Variants in IRS2 observed in about 807,000 individuals in gnomAD.
The protein encoded by IRS2 is insulin receptor substrate 2.
In IRS2, 28 loss-of-function variants were observed where a neutral mutation model predicts 70.9. That is an observed-to-expected ratio of 0.39 (90% CI 0.29 to 0.54). The LOEUF is 0.54. IRS2 is among the 20% of genes least tolerant of loss of function. IRS2 has a pLI of 0.59. For synonymous variants in IRS2, 1,217 were observed against 981.9 expected, an observed-to-expected ratio of 1.24 and a Z score of -4.48; for missense variants, 2,081 against 2,024.1, an observed-to-expected ratio of 1.03 and a Z score of -0.54.
chr13:109,783,588 C>G lies in IRS2; in HGVS notation c.2466G>C (p.Gln822His), dbSNP rs767832920. Residue 822 changes from glutamine to histidine, a missense_variant, in exon 1 of 2, where the codon CAG becomes CAC. By Grantham distance (24) the Gln-to-His change is conservative. Coordinates refer to ENST00000375856, the MANE Select transcript of IRS2 (RefSeq NM_003749.3). Reference protein sequence around the residue: ...APYTCGGDSDQYVLMSSPVGR... With the variant: ...APYTCGGDSDHYVLMSSPVGR... ...CCACGGGGGAGCTCATGAGCACGTA[C>G]TGGTCGCTGTCCCCGCCACAGGTGT... The G allele has an allele frequency of 2.3e-5, 35 of 1,546,902 alleles. No individual in the cohort carries two copies. The highest frequency in any genetic ancestry group is 2.5e-5 in the Non-Finnish European group (29 of 1,144,512).
intron 1 of IRS2, among the ~76,000 whole-genome samples, chr13:109,768,439 G>A (rs1161631049): frequency 9.2e-5 from 14 of 152,284 alleles, no homozygotes; most frequent in Non-Finnish European, 4.4e-5. Flanking sequence ...AAGCTCTTAC[G>A]CCCTCAGCAA....
At position 109,782,285 on chromosome 13, in the gene IRS2, C is replaced by G. The variant is rs940747787; in HGVS notation, c.3769G>C (p.Asp1257His). The G allele has an allele frequency of 6.2e-6, 10 of 1,610,722 alleles. No individual in the cohort carries two copies. The highest frequency in any genetic ancestry group is 5.0e-5 in the Admixed American group (3 of 59,892). ...GGCAGCCCGGGCTCCTCCCTCACGTCGATGGCGATGTAGTTGAGACCATTC... is the reference window on the plus strand; with the variant it reads ...GGCAGCCCGGGCTCCTCCCTCACGTGGATGGCGATGTAGTTGAGACCATTC... ...FQNGLNYIAI[D>H]VREEPGLPPQ... The change falls in exon 1 of 2, where the codon GAC becomes CAC. Residue 1257 changes from aspartate (D) to histidine (H), a missense_variant. Coordinates refer to ENST00000375856, the MANE Select transcript of IRS2 (RefSeq NM_003749.3).
At chr13:109,768,536 AT>A (rs922089525) in intron 1 of IRS2, among the ~76,000 whole-genome samples, 8 of 152,304 alleles carry the variant, frequency 5.3e-5, no homozygotes, top group African/African-American at 1.7e-4. Flanking sequence ...TTTTCTGCAC[AT>A]TTTTTCTAAC....
Position 109,783,826 on chromosome 13 carries a change from A to G in IRS2, c.2228T>C (p.Met743Thr). ...AESSPEDSGY[M>T]RMWCGSKLSM... is the part of the protein sequence containing the mutation. ...CAGCTTGGAACCGCACCACATGCGC[A>G]TGTACCCACTGTCCTCGGGGGAGCT... The change falls in exon 1 of 2, where the codon ATG becomes ACG. Residue 743 changes from methionine (M) to threonine (T), a missense_variant. Coordinates refer to ENST00000375856, the MANE Select transcript of IRS2 (RefSeq NM_003749.3). 2.5e-6 allele frequency: 4 copies of G among 1,588,672 alleles called. No homozygotes were observed. Among genetic ancestry groups the G allele is most frequent in the Non-Finnish European group, 3.4e-6 (4 of 1,168,066 alleles).
intron 1 of IRS2, among the ~76,000 whole-genome samples, chr13:109,773,208 G>T (rs780169270): frequency 6.6e-6 from 1 of 151,628 alleles, no homozygotes. Context: ...AAAAAACAAG[G>T]GCTGTTAAAA....
At chr13:109,761,457 T>G (rs1011573101) in intron 1 of IRS2, among the ~76,000 whole-genome samples, 1 of 152,182 alleles carries the variant, frequency 6.6e-6, no homozygotes, top group Non-Finnish European at 1.5e-5. Flanking sequence ...AGTGCCCAGT[T>G]TCAGCCTTTT....
chr13:109,785,188 T>G lies in IRS2; in HGVS notation c.866A>C (p.Glu289Ala). The G allele has an allele frequency of 6.2e-7, 1 of 1,602,882 alleles. No individual in the cohort carries two copies. Among genetic ancestry groups the G allele is most frequent in the Non-Finnish European group, 8.5e-7 (1 of 1,175,476 alleles). The change falls in exon 1 of 2, where the codon GAG becomes GCG. Residue 289 changes from glutamate (E) to alanine (A), a missense_variant. By Grantham distance (107) the Glu-to-Ala change is moderately radical (BLOSUM62 -1). Coordinates refer to ENST00000375856, the MANE Select transcript of IRS2 (RefSeq NM_003749.3). This position sits in a 1 kb window ranked among gnomAD's most constrained non-coding sequence, Gnocchi z 9.3. The part of the protein sequence containing the change: ...VAQNIHETIL[E>A]AMKALKELFE... ...GAGCTCCTTGAGCGCCTTCATGGCCTCCAGGATGGTCTCGTGGATGTTCTG... is the reference window on the plus strand; with the variant it reads ...GAGCTCCTTGAGCGCCTTCATGGCCGCCAGGATGGTCTCGTGGATGTTCTG...
At chr13:109,774,807 C>A (rs149992138) in intron 1 of IRS2, among the ~76,000 whole-genome samples, 2 of 152,076 alleles carry the variant, frequency 1.3e-5, no homozygotes, top group African/African-American at 2.4e-5. Flanking sequence ...AAATGTCTTA[C>A]CACTATAAAG....
At chr13:109,758,946 G>C (rs1877168388) in intron 1 of IRS2, among the ~76,000 whole-genome samples, 1 of 151,676 alleles carries the variant, frequency 6.6e-6, no homozygotes, top group Non-Finnish European at 1.5e-5. Flanking sequence ...AAGGGGAAAG[G>C]GAAGGAGAAG....
chr13:109,769,018 T>C (rs1208501804), intron 1 of IRS2, among the ~76,000 whole-genome samples: 1 of 152,248 alleles, frequency 6.6e-6, no homozygotes, highest in Non-Finnish European at 1.5e-5. Context: ...GAATAAGGCA[T>C]GTCATTCCAT....
At chr13:109,758,853 AAG>A (rs1334747791) in intron 1 of IRS2, among the ~76,000 whole-genome samples, 2 of 148,030 alleles carry the variant, frequency 1.4e-5, no homozygotes, top group African/African-American at 2.5e-5. Flanking sequence ...AAAAGAAGGA[AAG>A]GGGAAAAGGA....
At position 109,782,681 on chromosome 13, in the gene IRS2, G is replaced by A; in HGVS notation, c.3373C>T (p.Gln1125Ter). 1 of 1,577,696 alleles carries A rather than the reference G, an allele frequency of 6.3e-7. No homozygotes were observed. The highest frequency in any genetic ancestry group is 8.6e-7 in the Non-Finnish European group (1 of 1,163,454). ...GCGCCGCGGTGGGGGTCCGGGGGCT[G>A]GCTGGCCTGCAGGAAGGCCTCGACT... ...SGVEAFLQASQPPDPHRGAKV... is the reference protein window; with the variant it reads ...SGVEAFLQAS The change falls in exon 1 of 2, where the codon CAG (glutamine) becomes TAG (stop). Residue 1125 changes from glutamine (Q) to a stop codon, truncating the protein, a stop_gained. Coordinates refer to ENST00000375856, the MANE Select transcript of IRS2 (RefSeq NM_003749.3). LOFTEE classifies it high-confidence loss of function.
rs748976814 is a variant in IRS2 at position 109,782,230 on chromosome 13, AGCG to A, written c.3821_3823del (p.Pro1274del). ...GGAGCTCTTGTCTCCCGGCTGAGGA[AGCG>A]GCGGCGGCGGCGGCTGCGGCTGGGG... On this transcript the variant is annotated inframe_deletion, in exon 1 of 2. Transcript: ENST00000375856. The A allele has an allele frequency of 4.0e-5, 65 of 1,605,124 alleles. No homozygotes were observed. Among genetic ancestry groups the A allele is most frequent in the Admixed American group, 1.7e-4 (10 of 59,482 alleles).
In IRS2 at chr13:109,754,182, T is replaced by C. The variant is rs1877054169; in HGVS notation, c.*2122A>G. 1 of 232,160 alleles carries C rather than the reference T, an allele frequency of 4.3e-6. No individual in the cohort carries two copies. Among genetic ancestry groups the C allele is most frequent in the East Asian group, 6.2e-5 (1 of 16,230 alleles). 14.4% of individuals were successfully genotyped at this position (232,160 alleles called of 1,614,324 possible). On this transcript the variant is annotated 3_prime_UTR_variant, in exon 2 of 2. Coordinates refer to ENST00000375856, the MANE Select transcript of IRS2 (RefSeq NM_003749.3). ...AAAATGTACAAAGACCCAATATACATTGTGAAGTTTTAGCAAACATAACAT... is the reference window on the plus strand; with the variant it reads ...AAAATGTACAAAGACCCAATATACACTGTGAAGTTTTAGCAAACATAACAT...
In IRS2 at chr13:109,782,447, AGGTGGGCGGCT is replaced by A; in HGVS notation, c.3596_3606del (p.Glu1199ValfsTer122). The A allele has an allele frequency of 6.3e-7, 1 of 1,580,072 alleles. No homozygotes were observed. Among genetic ancestry groups the A allele is most frequent in the Non-Finnish European group, 8.6e-7 (1 of 1,162,924 alleles). ...GGCGCCGGCTGCAACTGTCGTGGGGAGGTGGGCGGCTCGTCGCCCCCTCCAGGGCCGACACC... is the reference window on the plus strand; with the variant it reads ...GGCGCCGGCTGCAACTGTCGTGGGGACGTCGCCCCCTCCAGGGCCGACACC... On this transcript the variant is annotated frameshift_variant, in exon 1 of 2. Transcript: ENST00000375856. LOFTEE classifies it high-confidence loss of function.
At position 109,786,115 on chromosome 13, in the gene IRS2, G is replaced by A. The variant is rs1355750681; in HGVS notation, c.-62C>T. 15 of 944,644 alleles carry A rather than the reference G, an allele frequency of 1.6e-5. No homozygotes were observed. The highest frequency in any genetic ancestry group is 1.8e-5 in the African/African-American group (1 of 55,880). The allele number at this position is 944,644 out of a possible 1,614,324, so 58.5% of individuals were successfully genotyped here. A position where few individuals can be genotyped will look rare whatever the true frequency, so the allele number is the denominator to read the frequency against. The stretch of plus-strand genomic sequence containing the variant: ...CCCAGGGGTTGGGGCGAGGGGCGGA[G>A]GGGGCGCGGGCGGGGGCGGCTCCCT... On this transcript the variant is annotated 5_prime_UTR_variant, in exon 1 of 2. Transcript: ENST00000375856. This position sits in a 1 kb window ranked among gnomAD's most constrained non-coding sequence, Gnocchi z 4.4.
chr13:109,771,721 T>A (rs1380283599), intron 1 of IRS2, among the ~76,000 whole-genome samples: 4 of 152,204 alleles, frequency 2.6e-5, no homozygotes, highest in African/African-American at 9.7e-5. Context: ...TAGTAATTTA[T>A]TTTTTTAAAA....
chr13:109,784,190 T>C lies in IRS2; in HGVS notation c.1864A>G (p.Lys622Glu), dbSNP rs1470751269. ...TCTGGGTAGGGGTGGTAGGCCACCT[T>C]GGGAGAGGACGCGGGGCAGGACGGG... Reference protein sequence around the residue: ...LCPSCPASSPKVAYHPYPEDY... With the variant: ...LCPSCPASSPEVAYHPYPEDY... Residue 622 changes from lysine to glutamate, a missense_variant, in exon 1 of 2, where the codon AAG becomes GAG. Lys to Glu is a moderately conservative substitution (Grantham distance 56, BLOSUM62 1). This residue lies in a region of IRS2 where 1,615 missense variants were observed against 1,459.5 expected (regional missense o/e 1.11). Transcript: ENST00000375856. This position sits in a 1 kb window ranked among gnomAD's most constrained non-coding sequence, Gnocchi z 5.2. 6.3e-7 allele frequency: 1 copy of C among 1,576,976 alleles called. No homozygotes were observed. The highest frequency in any genetic ancestry group is 1.7e-5 in the Admixed American group (1 of 57,826).
chr13:109,770,581 T>G (rs4773090), intron 1 of IRS2, among the ~76,000 whole-genome samples: 46,984 of 152,044 alleles, frequency 0.31, 7,403 homozygotes, highest in Middle Eastern at 0.47. Flanking sequence ...AGCAAGGATA[T>G]CCACTGTCGC....
Sources: gnomAD v4.1 joint callset for allele counts (sites outside exome capture counted in the v4.1 genomes callset) on GRCh38, gnomAD v4.1.1 for gene constraint, gnomAD v4.1.1 regional missense constraint, Gnocchi (gnomAD v3.1) non-coding constraint, MANE v1.5 for transcripts, NCBI Gene and HGNC (gene_info 2026-07-23, HGNC 2026-07-21) for gene names.